Variants in PAK2 observed in about 807,000 individuals in gnomAD.
PAK2 encodes p21 (RAC1) activated kinase 2.
PAK2 carries 21 observed loss-of-function variants against 65.9 expected under a neutral mutation model. The observed-to-expected ratio is 0.32, with a 90% CI of 0.23 to 0.46. The LOEUF is 0.46. Among genes scored for constraint, PAK2 ranks in the 20% least tolerant of loss-of-function variants. The probability of loss-of-function intolerance (pLI) is 1.00; values close to 1 mark genes in which losing one functional copy is unlikely to be tolerated. For missense variants in PAK2, 324 were observed against 642.6 expected, an observed-to-expected ratio of 0.50 and a Z score of 5.36; for synonymous variants, 204 against 219.7, an observed-to-expected ratio of 0.93 and a Z score of 0.63.
At chr3:196,740,396 G>A (rs1486136142) in intron 1 of PAK2, among the ~76,000 whole-genome samples, 1 of 152,116 alleles carries the variant, frequency 6.6e-6, no homozygotes, top group Non-Finnish European at 1.5e-5. Context: ...CTGGGCTGCG[G>A]AGGTCTGACT....
chr3:196,797,905 T>C (rs1360979701), intron 2 of PAK2, among the ~76,000 whole-genome samples: 1 of 152,192 alleles, frequency 6.6e-6, no homozygotes, highest in East Asian at 1.9e-4. Context: ...TTAGAAAATA[T>C]ATTAAGCCGA....
At chr3:196,761,346 T>G (rs60837749) in intron 1 of PAK2, among the ~76,000 whole-genome samples, 47 of 89,474 alleles carry the variant, frequency 5.3e-4, no homozygotes, top group Admixed American at 1.9e-3. Context: ...AGATTAGGGA[T>G]TGGTGATGAC....
intron 1 of PAK2, among the ~76,000 whole-genome samples, chr3:196,772,082 T>A (rs1714378569): frequency 6.6e-6 from 1 of 152,210 alleles, no homozygotes; most frequent in South Asian, 2.1e-4. Context: ...GCATTCCATA[T>A]CTGTGTTTTT....
intron 1 of PAK2, among the ~76,000 whole-genome samples, chr3:196,750,451 T>G (rs766979199): frequency 2.0e-5 from 3 of 152,194 alleles, no homozygotes; most frequent in Non-Finnish European, 4.4e-5. Context: ...CAGTATTATT[T>G]GGTACGTGTG....
rs146000049 is a variant in PAK2, at chr3:196,828,479, C to T, written c.*74C>T. 1,371 of 890,142 alleles carry T rather than the reference C, an allele frequency of 1.5e-3. 54 individuals are homozygous for T. The East Asian group carries it at 0.033, about 21-fold the overall frequency. 55.1% of individuals were successfully genotyped at this position (890,142 alleles called of 1,614,324 possible). A position where few individuals can be genotyped will look rare whatever the true frequency, so the allele number is the denominator to read the frequency against. The stretch of plus-strand genomic sequence containing the variant: ...CTTTTAGTATATGAAAATTATTACT[C>T]TTTTTGGGGTTTAAAGAAATGGTCT... On this transcript the variant is annotated 3_prime_UTR_variant, in exon 15 of 15. Coordinates refer to ENST00000327134, the MANE Select transcript of PAK2 (RefSeq NM_002577.4).
chr3:196,779,248 T>C (rs552158966), intron 1 of PAK2, among the ~76,000 whole-genome samples: 2 of 152,392 alleles, frequency 1.3e-5, no homozygotes, highest in East Asian at 3.8e-4. Context: ...TTTGATACTT[T>C]GGGTCGTAAT....
intron 13 of PAK2, among the ~76,000 whole-genome samples, chr3:196,823,195 G>A (rs80143640): frequency 2.0e-5 from 3 of 152,232 alleles, no homozygotes; most frequent in Non-Finnish European, 4.4e-5. Context: ...CCTAGACCAG[G>A]GCAGTATCAG....
intron 2 of PAK2, among the ~76,000 whole-genome samples, chr3:196,795,321 T>C (rs1715222397): frequency 6.6e-6 from 1 of 150,880 alleles, no homozygotes; most frequent in Admixed American, 6.6e-5. Context: ...AAAGAAAAAT[T>C]ATCTGGGCAG....
chr3:196,755,457 C>CTT, intron 1 of PAK2, among the ~76,000 whole-genome samples: 1 of 123,676 alleles, frequency 8.1e-6, no homozygotes, highest in Admixed American at 8.0e-5. Flanking sequence ...CTTCTTCCGA[C>CTT]TTTTTTTTTT....
Position 196,820,641 on chromosome 3 carries a change from G to T in PAK2, c.1350+74G>T, listed in dbSNP as rs1711613357. 1 of 773,960 alleles carries T rather than the reference G, an allele frequency of 1.3e-6. No individual in the cohort carries two copies. The highest frequency in any genetic ancestry group is 1.8e-5 in the African/African-American group (1 of 56,632). The allele number at this position is 773,960 out of a possible 1,614,324, so 47.9% of individuals were successfully genotyped here. On this transcript the variant is annotated intron_variant, in intron 13 of 14. Coordinates refer to ENST00000327134, the MANE Select transcript of PAK2 (RefSeq NM_002577.4). The surrounding 1 kb of genome is among the most constrained non-coding windows in gnomAD (Gnocchi z 4.6). Reference sequence around the variant, plus strand: ...CTTATTTAGAACTTGCACGTGCCTGGCACTGTCCAAGAATTTAAAGTAGAA... The same window carrying T: ...CTTATTTAGAACTTGCACGTGCCTGTCACTGTCCAAGAATTTAAAGTAGAA...
intron 1 of PAK2, among the ~76,000 whole-genome samples, chr3:196,762,931 T>C (rs1226596852): frequency 4.6e-5 from 7 of 151,934 alleles, no homozygotes; most frequent in Non-Finnish European, 1.0e-4. Flanking sequence ...AATTTGAACA[T>C]GAAAAAACAT....
intron 1 of PAK2, among the ~76,000 whole-genome samples, chr3:196,749,244 G>A (rs1713489706): frequency 1.3e-5 from 2 of 152,004 alleles, no homozygotes; most frequent in African/African-American, 4.8e-5. Flanking sequence ...CTTGTTTTCA[G>A]TTATTTCGGG....
At chr3:196,802,921 A>G (rs530970950) in intron 3 of PAK2, 96 bp from the exon 4 acceptor site, 4 of 723,860 alleles carry the variant, frequency 5.5e-6, no homozygotes, top group Non-Finnish European at 8.6e-6. Context: ...CACTCAAAAG[A>G]TTGGTTTGTT....
chr3:196,806,536 C>A, intron 5 of PAK2, 43 bp from the exon 6 acceptor site: 1 of 1,182,150 alleles, frequency 8.5e-7, no homozygotes, highest in Non-Finnish European at 1.3e-6. Flanking sequence ...CGCATTTAAG[C>A]CTATTGGACT....
chr3:196,816,933 G>A (rs1024586177), intron 11 of PAK2, among the ~76,000 whole-genome samples: 9 of 151,858 alleles, frequency 5.9e-5, no homozygotes, highest in East Asian at 1.9e-4. Flanking sequence ...ATATAAAATC[G>A]GGCACTGAAG....
chr3:196,754,884 C>T (rs1713719072), intron 1 of PAK2, among the ~76,000 whole-genome samples: 1 of 152,130 alleles, frequency 6.6e-6, no homozygotes, highest in Admixed American at 6.5e-5. Context: ...AGTGGCTGAC[C>T]AATTCTTGAT....
chr3:196,787,970 C>G (rs73074664), intron 2 of PAK2, among the ~76,000 whole-genome samples: 2 of 152,234 alleles, frequency 1.3e-5, no homozygotes, highest in East Asian at 3.8e-4. Context: ...TGGATTATCC[C>G]GTTCATCACC....
chr3:196,769,432 A>G (rs1714286947), intron 1 of PAK2, among the ~76,000 whole-genome samples: 1 of 151,992 alleles, frequency 6.6e-6, no homozygotes, highest in Admixed American at 6.5e-5. Context: ...TTTTAGGTGT[A>G]TAATTTGGTG....
chr3:196,783,434 G>A (rs901779432), intron 2 of PAK2, among the ~76,000 whole-genome samples: 2 of 151,910 alleles, frequency 1.3e-5, no homozygotes, highest in African/African-American at 4.8e-5. Context: ...AAGAATCACT[G>A]GGCCAGACAC....
Sources: gnomAD v4.1 joint callset for allele counts (sites outside exome capture counted in the v4.1 genomes callset) on GRCh38, gnomAD v4.1.1 for gene constraint, Gnocchi (gnomAD v3.1) non-coding constraint, MANE v1.5 for transcripts, NCBI Gene and HGNC (gene_info 2026-07-23, HGNC 2026-07-21) for gene names.